The following ATXN1 variants were observed in gnomAD, a reference collection of about 807,000 sequenced individuals.
The protein encoded by ATXN1 is ataxin 1.
ATXN1 carries 8 observed loss-of-function variants against 56.4 expected under a neutral mutation model. That is an observed-to-expected ratio of 0.14 (90% CI 0.08 to 0.26). The LOEUF (loss-of-function observed/expected upper bound fraction) is 0.26, where lower values mean the gene tolerates loss of function less well. ATXN1 is among the 10% of genes least tolerant of loss of function. The pLI is 1.00. For synonymous variants in ATXN1, 514 were observed against 494.6 expected (o/e 1.04, Z -0.52); for missense variants, 987 against 1,106.5 (o/e 0.89, Z 1.53).
In ATXN1 at chr6:16,687,657, TACACACACACACACACAC is replaced by T. The variant is rs57034032; in HGVS notation, c.-614-29774_-614-29757del. 1.1e-3 allele frequency among the ~76,000 whole-genome samples: 164 copies of T among 143,394 alleles called. 3 individuals carry two copies. The East Asian group carries it at 0.032, about 28-fold the overall frequency. The allele number at this position is 143,394 out of a possible 152,430, so 94.1% of individuals were successfully genotyped here. ...AAGCAGCCTGGAATCAAAGAAGAAA[TACACACACACACACACAC>T]ACACACACACACACACACACGGAGG... On this transcript the variant is annotated intron_variant, in intron 2 of 7. Transcript: ENST00000436367.
chr6:16,576,220 G>A (rs1762419801), intron 4 of ATXN1, among the ~76,000 whole-genome samples: 1 of 152,100 alleles, frequency 6.6e-6, no homozygotes, highest in South Asian at 2.1e-4. Context: ...GAGAAAGATG[G>A]ACTCCCTAAG....
intron 2 of ATXN1, among the ~76,000 whole-genome samples, chr6:16,680,823 C>G (rs1479262883): frequency 1.3e-5 from 2 of 152,164 alleles, no homozygotes; most frequent in Non-Finnish European, 1.5e-5. Flanking sequence ...TAGGACTAAA[C>G]AGCTGTGGGC....
chr6:16,399,845 T>C (rs1407311520), intron 6 of ATXN1, among the ~76,000 whole-genome samples: 1 of 152,170 alleles, frequency 6.6e-6, no homozygotes, highest in Non-Finnish European at 1.5e-5. Context: ...CTGTTGAGAT[T>C]CCCTGCTCTA....
intron 3 of ATXN1, among the ~76,000 whole-genome samples, chr6:16,619,254 TA>T (rs1396666704): frequency 6.6e-6 from 1 of 152,148 alleles, no homozygotes; most frequent in African/African-American, 2.4e-5. Flanking sequence ...TAAAGGGCCT[TA>T]CTATTTGAGC....
At chr6:16,312,084 T>G (rs1336614828) in intron 7 of ATXN1, among the ~76,000 whole-genome samples, 1 of 152,192 alleles carries the variant, frequency 6.6e-6, no homozygotes, top group African/African-American at 2.4e-5. Context: ...CAGGCAATAT[T>G]TAATTTTCTG....
intron 6 of ATXN1, among the ~76,000 whole-genome samples, chr6:16,363,591 C>G (rs796453878): frequency 1.3e-5 from 2 of 152,336 alleles, no homozygotes; most frequent in African/African-American, 4.8e-5. Flanking sequence ...AGTTTTCCTT[C>G]AAGCATAGAA....
rs181000193 is a variant in ATXN1 at position 16,599,761 on chromosome 6, A to T, written c.-488-13854T>A. On this transcript the variant is annotated intron_variant, in intron 3 of 7. Coordinates refer to ENST00000436367, the MANE Select transcript of ATXN1 (RefSeq NM_001128164.2). ...ATGAATGGGAACAAGAGGGTTATTT[A>T]AAAAATAATAAACAGTAACAGCTAT... is the stretch of plus-strand genomic sequence containing the variant. 5.3e-5 allele frequency among the ~76,000 whole-genome samples: 8 copies of T among 152,200 alleles called. No homozygotes were observed. In the East Asian group the frequency reaches 1.5e-3, roughly 29 times the overall value.
intron 5 of ATXN1, among the ~76,000 whole-genome samples, chr6:16,513,772 T>A (rs1348963347): frequency 1.3e-5 from 2 of 151,966 alleles, no homozygotes; most frequent in Non-Finnish European, 2.9e-5. Flanking sequence ...CCAGCAAGGG[T>A]AGCCTAGGGC....
intron 6 of ATXN1, among the ~76,000 whole-genome samples, chr6:16,375,341 T>C (rs1431094525): frequency 6.6e-6 from 1 of 152,236 alleles, no homozygotes; most frequent in Non-Finnish European, 1.5e-5. Flanking sequence ...ACTACAGCTC[T>C]GTTACTTAGA....
chr6:16,660,832 GTT>G (rs754718969), intron 2 of ATXN1, among the ~76,000 whole-genome samples: 77 of 93,018 alleles, frequency 8.3e-4, no homozygotes, highest in Middle Eastern at 0.011. Context: ...TTTTGTTTTG[GTT>G]TTTTTTTTTT....
intron 6 of ATXN1, among the ~76,000 whole-genome samples, chr6:16,484,945 ATATG>A (rs1448367969): frequency 5.1e-5 from 6 of 118,286 alleles, no homozygotes; most frequent in South Asian, 6.8e-4. Context: ...ACCTAAATAT[ATATG>A]TGTGTGTGTG....
chr6:16,469,225 T>C (rs1179247694), intron 6 of ATXN1, among the ~76,000 whole-genome samples: 1 of 152,208 alleles, frequency 6.6e-6, no homozygotes, highest in Non-Finnish European at 1.5e-5. Flanking sequence ...ACAGCAATTA[T>C]ACAAGAGTCT....
At chr6:16,361,368 G>T (rs373504804) in intron 6 of ATXN1, among the ~76,000 whole-genome samples, 1 of 152,124 alleles carries the variant, frequency 6.6e-6, no homozygotes, top group African/African-American at 2.4e-5. Flanking sequence ...TTTCGTTCAC[G>T]CACATGGCTA....
chr6:16,368,343 C>CTTCTTTTTTTTTTTTTTTT (rs1354007963), intron 6 of ATXN1, among the ~76,000 whole-genome samples: 1 of 75,870 alleles, frequency 1.3e-5, no homozygotes, highest in African/African-American at 3.9e-5. Flanking sequence ...ACTTCTTCTT[C>CTTCTTTTTTTTTTTTTTTT]TTTTTTTTTT....
At chr6:16,360,369 T>G (rs1316487302) in intron 6 of ATXN1, among the ~76,000 whole-genome samples, 2 of 152,226 alleles carry the variant, frequency 1.3e-5, no homozygotes, top group Admixed American at 1.3e-4. Flanking sequence ...TTCCCAAGAT[T>G]CAATATGTAA....
At chr6:16,687,399 G>T (rs1758939691) in intron 2 of ATXN1, among the ~76,000 whole-genome samples, 1 of 151,172 alleles carries the variant, frequency 6.6e-6, no homozygotes, top group Admixed American at 6.6e-5. Context: ...TAAGAAACAG[G>T]AAAAAAAATC....
At chr6:16,681,418 G>C (rs1452915345) in intron 2 of ATXN1, among the ~76,000 whole-genome samples, 1 of 152,202 alleles carries the variant, frequency 6.6e-6, no homozygotes, top group Admixed American at 6.5e-5. Context: ...GTAGTATTTA[G>C]AGGAAAGGAA....
At chr6:16,361,286 G>A (rs981457822) in intron 6 of ATXN1, among the ~76,000 whole-genome samples, 18 of 152,244 alleles carry the variant, frequency 1.2e-4, no homozygotes, top group Admixed American at 4.6e-4. Context: ...ATGAGAGAAC[G>A]TAATGTTTCC....
intron 2 of ATXN1, among the ~76,000 whole-genome samples, chr6:16,674,238 G>A (rs930105332): frequency 4.0e-5 from 6 of 151,390 alleles, no homozygotes; most frequent in South Asian, 4.2e-4. Flanking sequence ...ACAATGACCC[G>A]CAGCCCAACC....
Sources: allele counts gnomAD v4.1 joint callset (sites outside exome capture counted in the v4.1 genomes callset), GRCh38; gene constraint gnomAD v4.1.1; transcripts MANE v1.5; gene names NCBI Gene and HGNC (gene_info 2026-07-23, HGNC 2026-07-21).